AK5: variants seen among roughly 807,000 people sequenced by gnomAD.
AK5 encodes the protein adenylate kinase isoenzyme 5.
AK5 carries 27 observed loss-of-function variants against 69.5 expected under a neutral mutation model. That is an observed-to-expected ratio of 0.39 (90% CI 0.29 to 0.54). AK5 has a LOEUF of 0.54. Ranked by LOEUF, AK5 falls within the 20% of genes least tolerant of loss-of-function variation. The pLI, the probability that AK5 is intolerant of heterozygous loss-of-function variation, is 0.71. For missense variants in AK5, 531 were observed against 700.4 expected (o/e 0.76, Z 2.73); for synonymous variants, 260 against 244.4 (o/e 1.06, Z -0.60).
chr1:77,335,384 GTTT>G (rs11310843), intron 5 of AK5, among the ~76,000 whole-genome samples: 9 of 134,300 alleles, frequency 6.7e-5, no homozygotes, highest in Non-Finnish European at 1.2e-4. Context: ...AGTTTTTTGG[GTTT>G]TTTTTTTTTT....
intron 8 of AK5, among the ~76,000 whole-genome samples, chr1:77,447,321 G>A (rs973272761): frequency 6.6e-6 from 1 of 152,214 alleles, no homozygotes; most frequent in Non-Finnish European, 1.5e-5. Flanking sequence ...AACAGTGTCA[G>A]TATATCACTT....
At chr1:77,516,885 C>T (rs1010806799) in intron 10 of AK5, among the ~76,000 whole-genome samples, 4 of 151,800 alleles carry the variant, frequency 2.6e-5, no homozygotes, top group Non-Finnish European at 5.9e-5. Context: ...GCCTGGCCAA[C>T]GTAGTGAAAC....
chr1:77,540,498 A>G (rs1282574086), intron 13 of AK5: 1 of 152,184 alleles, frequency 6.6e-6, no homozygotes, highest in Non-Finnish European at 1.5e-5. Flanking sequence ...ATCACCCCCA[A>G]CTGACTAGAA....
intron 6 of AK5, among the ~76,000 whole-genome samples, chr1:77,376,348 G>A (rs1570466284): frequency 7.1e-6 from 1 of 140,706 alleles, no homozygotes; most frequent in Non-Finnish European, 1.5e-5. Flanking sequence ...TTACTTACTT[G>A]CCAGAGATTA....
At chr1:77,554,794 T>G (rs2100404591) in intron 13 of AK5, among the ~76,000 whole-genome samples, 1 of 146,236 alleles carries the variant, frequency 6.8e-6, no homozygotes, top group South Asian at 2.1e-4. Flanking sequence ...TTTTTTGTAT[T>G]TTTAGTAGAG....
At chr1:77,540,963 A>G (rs907448471) in intron 13 of AK5, among the ~76,000 whole-genome samples, 12 of 151,978 alleles carry the variant, frequency 7.9e-5, no homozygotes, top group Admixed American at 6.5e-5. Context: ...CTGGAATGCA[A>G]TGGCGCAATC....
At chr1:77,427,804 G>A (rs1346665502) in intron 8 of AK5, among the ~76,000 whole-genome samples, 3 of 152,196 alleles carry the variant, frequency 2.0e-5, no homozygotes, top group East Asian at 3.8e-4. Flanking sequence ...AAGAAATAAG[G>A]CAAGGATGTC....
At position 77,367,615 on chromosome 1, in the gene AK5, A is replaced by ATGTTATATATGTAATATATATGT. The variant is rs1557533000; in HGVS notation, c.891+27048_891+27049insGTTATATATGTAATATATATGTT. 1.5e-4 allele frequency among the ~76,000 whole-genome samples: 14 copies of ATGTTATATATGTAATATATATGT among 91,246 alleles called. 2 individuals carry two copies. The highest frequency in any genetic ancestry group is 7.1e-4 in the African/African-American group (14 of 19,730). The allele number at this position is 91,246 out of a possible 152,430, so 59.9% of individuals were successfully genotyped here. A position where few individuals can be genotyped will look rare whatever the true frequency, so the allele number is the denominator to read the frequency against. On this transcript the variant is annotated intron_variant, in intron 6 of 13. Transcript: ENST00000354567. ...TATATATGTAATATATATGTAATAT[A>ATGTTATATATGTAATATATATGT]TATGTTATATATGTAATATATATGT...
chr1:77,385,701 G>A (rs1340041384), intron 6 of AK5, among the ~76,000 whole-genome samples: 4 of 152,154 alleles, frequency 2.6e-5, no homozygotes, highest in Non-Finnish European at 2.9e-5. Flanking sequence ...CAGGAAATGC[G>A]AGAAAACATT....
chr1:77,546,948 G>T (rs536370214), intron 13 of AK5, among the ~76,000 whole-genome samples: 1 of 152,206 alleles, frequency 6.6e-6, no homozygotes, highest in Non-Finnish European at 1.5e-5. Context: ...ACGTGAAAGC[G>T]CCAGGAATGC....
At chr1:77,389,779 T>A (rs1648293442) in intron 6 of AK5, among the ~76,000 whole-genome samples, 1 of 152,064 alleles carries the variant, frequency 6.6e-6, no homozygotes, top group Non-Finnish European at 1.5e-5. Context: ...CTGGGCAACA[T>A]GGTGAAACCC....
chr1:77,470,860 TA>T (rs1557615787), intron 8 of AK5, among the ~76,000 whole-genome samples: 150 of 3,384 alleles, frequency 0.044, 2 homozygotes, highest in African/African-American at 0.048. Flanking sequence ...TATATATATA[TA>T]TATATATATA....
intron 5 of AK5, among the ~76,000 whole-genome samples, chr1:77,327,221 T>C (rs956834421): frequency 6.6e-6 from 1 of 151,896 alleles, no homozygotes; most frequent in African/African-American, 2.4e-5. Context: ...ACCCTATCTC[T>C]ACAAATACAT....
rs144105227 is a variant in AK5 at position 77,395,364 on chromosome 1, G to C, written c.892-15617G>C. 2.0e-5 allele frequency among the ~76,000 whole-genome samples: 3 copies of C among 152,254 alleles called. No homozygotes were observed. In the East Asian group the frequency reaches 5.8e-4, roughly 29 times the overall value. On this transcript the variant is annotated intron_variant, in intron 6 of 13. Transcript: ENST00000354567. The stretch of plus-strand genomic sequence containing the variant: ...TCCCTGAGGCTTCTAACAAATTCTA[G>C]TTGGCTTCTGTCTCTATTATTGACC...
intron 8 of AK5, among the ~76,000 whole-genome samples, chr1:77,448,690 T>C (rs1652910488): frequency 6.6e-6 from 1 of 152,212 alleles, no homozygotes; most frequent in South Asian, 2.1e-4. Flanking sequence ...GACTGAAACA[T>C]GCCCTTCACT....
intron 8 of AK5, chr1:77,417,989 A>C: frequency 3.2e-6 from 1 of 316,016 alleles, no homozygotes; most frequent in South Asian, 3.3e-5. Context: ...TCTCTTGCCC[A>C]AGAATTTGCC....
At chr1:77,516,285 G>T (rs1657638811) in intron 10 of AK5, among the ~76,000 whole-genome samples, 1 of 152,164 alleles carries the variant, frequency 6.6e-6, no homozygotes, top group Non-Finnish European at 1.5e-5. Context: ...GAAGCAGATT[G>T]TAAGAATGGT....
At chr1:77,436,662 A>G (rs1299697771) in intron 8 of AK5, among the ~76,000 whole-genome samples, 1 of 151,866 alleles carries the variant, frequency 6.6e-6, no homozygotes, top group Non-Finnish European at 1.5e-5. Context: ...AAGTTATCAA[A>G]AAGATTTTTT....
chr1:77,557,604 A>C (rs1464001906), intron 13 of AK5, among the ~76,000 whole-genome samples: 1 of 152,048 alleles, frequency 6.6e-6, no homozygotes, highest in Non-Finnish European at 1.5e-5. Flanking sequence ...ACTCTACCTT[A>C]GCACACCTAC....
Sources: allele counts gnomAD v4.1 joint callset (sites outside exome capture counted in the v4.1 genomes callset), GRCh38; gene constraint gnomAD v4.1.1; transcripts MANE v1.5; gene names NCBI Gene and HGNC (gene_info 2026-07-23, HGNC 2026-07-21).